AKT1: variants seen among roughly 807,000 people sequenced by gnomAD.
The protein encoded by AKT1 is AKT serine/threonine kinase 1.
AKT1 carries 21 observed loss-of-function variants against 63.1 expected under a neutral mutation model. That is an observed-to-expected ratio of 0.33 (90% CI 0.24 to 0.48). The LOEUF is 0.48. Ranked by LOEUF, AKT1 falls within the 20% of genes least tolerant of loss-of-function variation. The pLI is 0.99. For synonymous variants in AKT1, 257 were observed against 253.1 expected, an observed-to-expected ratio of 1.02 and a Z score of -0.15; for missense variants, 382 against 666.0, an observed-to-expected ratio of 0.57 and a Z score of 4.69.
intron 3 of AKT1, among the ~76,000 whole-genome samples, chr14:104,789,613 A>T (rs1488620475): frequency 2.6e-5 from 4 of 152,252 alleles, no homozygotes; most frequent in Admixed American, 2.6e-4. Context: ...AGGAGACTTC[A>T]CACAACAGAA....
At chr14:104,792,945 A>G (rs1005207654) in intron 2 of AKT1, 182 bp downstream of exon 2, 23 of 562,248 alleles carry the variant, frequency 4.1e-5, no homozygotes, top group Non-Finnish European at 6.4e-5. Flanking sequence ...CATGTAATTG[A>G]ACACAGTTCC....
At chr14:104,783,347 C>A (rs1893165754) in intron 3 of AKT1, among the ~76,000 whole-genome samples, 1 of 152,160 alleles carries the variant, frequency 6.6e-6, no homozygotes, top group Non-Finnish European at 1.5e-5. Flanking sequence ...AGAGTGGCCT[C>A]TCAATCCCTG....
chr14:104,792,799 C>T, intron 2 of AKT1, 77 bp from the exon 3 acceptor site: 1 of 890,762 alleles, frequency 1.1e-6, no homozygotes. Context: ...GAGCCAGAGA[C>T]CCACTGCACG....
At chr14:104,775,370 C>T in intron 6 of AKT1, 163 bp from the exon 7 acceptor site, 2 of 1,324,408 alleles carry the variant, frequency 1.5e-6, no homozygotes, top group East Asian at 2.5e-5. Flanking sequence ...TCCAGGCTTA[C>T]AGGGAACACA....
chr14:104,773,063 T>C lies in AKT1; in HGVS notation c.987A>G (p.Ala329=), dbSNP rs751709437. Residue 329 remains alanine, a synonymous_variant, in exon 12 of 15, where the codon GCA becomes GCG. Coordinates refer to ENST00000649815, the MANE Select transcript of AKT1 (RefSeq NM_001382430.1). ...EVLEDNDYGR[A]VDWWGLGVVM... ...CCACGCCCAGCCCCCACCAGTCCAC[T>C]GCACGGCCGTAGTCATTGTCCTCCA... 1 of 1,614,072 alleles carries C rather than the reference T, an allele frequency of 6.2e-7. No individual in the cohort carries two copies. Among genetic ancestry groups the C allele is most frequent in the South Asian group, 1.1e-5 (1 of 91,086 alleles).
At chr14:104,773,172 GCA>G (rs1892494645) in intron 11 of AKT1, 77 bp downstream of exon 11, 25 of 1,609,902 alleles carry the variant, frequency 1.6e-5, no homozygotes, top group East Asian at 4.5e-5. Flanking sequence ...CGTGCTTGGG[GCA>G]CAGAGAGGAC....
At chr14:104,775,626 C>A (rs1487127185) in intron 6 of AKT1, 26 bp downstream of exon 6, 1 of 1,611,770 alleles carries the variant, frequency 6.2e-7, no homozygotes. Context: ...GCCCCAGGCA[C>A]AGGCAGAAGT....
chr14:104,776,414 C>T (rs1892717525), intron 5 of AKT1: 1 of 438,720 alleles, frequency 2.3e-6, no homozygotes, highest in Non-Finnish European at 4.1e-6. Context: ...CCCAAAGTGC[C>T]GAGATTATAG....
chr14:104,792,988 G>C, intron 2 of AKT1, 139 bp downstream of exon 2: 1 of 460,186 alleles, frequency 2.2e-6, no homozygotes, highest in Non-Finnish European at 4.0e-6. Flanking sequence ...TCTAGGCTTA[G>C]AGCCTCCAGC....
In AKT1 at chr14:104,770,290, G is replaced by A. The variant is rs1231382981; in HGVS notation, c.*51C>T. ...CCATTAAATACAGATCATGGCACGA[G>A]GCCGCCTCTCCATCCCTCCAAGCTA... On this transcript the variant is annotated 3_prime_UTR_variant, in exon 15 of 15. Transcript: ENST00000649815. 1.9e-6 allele frequency: 3 copies of A among 1,553,868 alleles called. No individual in the cohort carries two copies. Among genetic ancestry groups the A allele is most frequent in the African/African-American group, 2.7e-5 (2 of 74,010 alleles).
intron 12 of AKT1, 87 bp from the exon 13 acceptor site, chr14:104,772,539 C>T: frequency 7.3e-7 from 1 of 1,363,926 alleles, no homozygotes; most frequent in Non-Finnish European, 1.0e-6. Context: ...GATGTAGGGC[C>T]CGCCAGACAG....
At chr14:104,785,362 C>T (rs1893279994) in intron 3 of AKT1, among the ~76,000 whole-genome samples, 2 of 152,314 alleles carry the variant, frequency 1.3e-5, no homozygotes, top group South Asian at 2.1e-4. Context: ...GGCCACACAA[C>T]GGAGGCCAGC....
At chr14:104,779,748 GA>G (rs1892929770) in intron 4 of AKT1, among the ~76,000 whole-genome samples, 1 of 149,184 alleles carries the variant, frequency 6.7e-6, no homozygotes, top group Non-Finnish European at 1.5e-5. Flanking sequence ...TCGGACCAGA[GA>G]CCCCCGCCCA....
At chr14:104,786,592 G>C (rs1023729860) in intron 3 of AKT1, among the ~76,000 whole-genome samples, 4 of 152,208 alleles carry the variant, frequency 2.6e-5, no homozygotes, top group African/African-American at 7.2e-5. Context: ...AGGCAGTAGG[G>C]ACCTCGTCCT....
rs746272761 is a variant in AKT1, at chr14:104,772,941, C to T, written c.1109G>A (p.Arg370His). 9 of 1,613,834 alleles carry T rather than the reference C, an allele frequency of 5.6e-6. No individual in the cohort carries two copies. The highest frequency in any genetic ancestry group is 1.7e-5 in the Admixed American group (1 of 59,986). ...GGACTTGGCCTCGGGACCAAGCGTG[C>T]GCGGGAAGCGGATCTCCTCCATGAG... ...LILMEEIRFPRTLGPEAKSLL... is the reference protein window; with the variant it reads ...LILMEEIRFPHTLGPEAKSLL... The change falls in exon 12 of 15, where the codon CGC (arginine) becomes CAC (histidine). Residue 370 changes from arginine to histidine, a missense_variant. Transcript: ENST00000649815.
rs1416879397 is a variant in AKT1 at position 104,769,656 on chromosome 14, T to C, written c.*685A>G. 6.2e-6 allele frequency: 3 copies of C among 480,846 alleles called. No individual in the cohort carries two copies. The highest frequency in any genetic ancestry group is 4.4e-5 in the East Asian group (1 of 22,618). 29.8% of individuals were successfully genotyped at this position (480,846 alleles called of 1,614,324 possible). ...GACACAGAAGGGGAAGGGGGAGGGCTTTCCTGTCACAAAGATTAAAAACCC... is the reference window on the plus strand; with the variant it reads ...GACACAGAAGGGGAAGGGGGAGGGCCTTCCTGTCACAAAGATTAAAAACCC... On this transcript the variant is annotated 3_prime_UTR_variant, in exon 15 of 15. Transcript: ENST00000649815.
chr14:104,776,634 G>A (rs1892731026), intron 5 of AKT1, 25 bp downstream of exon 5: 1 of 1,603,658 alleles, frequency 6.2e-7, no homozygotes, highest in Non-Finnish European at 8.5e-7. Context: ...CCAAGTGCCT[G>A]GCCTGGCCGC....
At chr14:104,791,827 G>C (rs184922082) in intron 3 of AKT1, among the ~76,000 whole-genome samples, 2 of 152,228 alleles carry the variant, frequency 1.3e-5, no homozygotes, top group African/African-American at 4.8e-5. Context: ...GACCGATTCC[G>C]CCTGGGGCAG....
Position 104,770,104 on chromosome 14 carries a change from C to T in AKT1, c.*237G>A. The T allele has an allele frequency of 3.4e-6, 2 of 587,750 alleles. No individual in the cohort carries two copies. Among genetic ancestry groups the T allele is most frequent in the South Asian group, 2.0e-5 (1 of 50,862 alleles). The allele number at this position is 587,750 out of a possible 1,614,324, so 36.4% of individuals were successfully genotyped here. Reference sequence around the variant, plus strand: ...CGGATTGTTCTGAGGGCTGAGGCCACACCCGGAGAACAAACTGGATGAAAT... The same window carrying T: ...CGGATTGTTCTGAGGGCTGAGGCCATACCCGGAGAACAAACTGGATGAAAT... On this transcript the variant is annotated 3_prime_UTR_variant, in exon 15 of 15. Transcript: ENST00000649815.
Sources: gnomAD v4.1 joint callset for allele counts (sites outside exome capture counted in the v4.1 genomes callset) on GRCh38, gnomAD v4.1.1 for gene constraint, MANE v1.5 for transcripts, NCBI Gene and HGNC (gene_info 2026-07-23, HGNC 2026-07-21) for gene names.